The following TFAM variants were observed in gnomAD, a reference collection of about 807,000 sequenced individuals.
TFAM encodes mitochondrial transcription factor 1.
A neutral mutation model predicts 30.6 loss-of-function variants in TFAM; 13 were observed. The observed-to-expected ratio is 0.42, with a 90% CI of 0.28 to 0.67. The LOEUF (loss-of-function observed/expected upper bound fraction) is 0.67, where lower values mean the gene tolerates loss of function less well. Among genes scored for constraint, TFAM ranks in the 30% least tolerant of loss-of-function variants. TFAM has a pLI of 0.21. For missense variants in TFAM, 231 were observed against 293.7 expected (o/e 0.79, Z 1.56); for synonymous variants, 106 against 94.8 (o/e 1.12, Z -0.69).
At chr10:58,390,671 C>T (rs906592761) in intron 4 of TFAM, 94 bp from the exon 5 acceptor site, 2 of 918,248 alleles carry the variant, frequency 2.2e-6, no homozygotes, top group East Asian at 2.4e-5. Flanking sequence ...AAGGAATAAT[C>T]TGTAATGCGT....
intron 2 of TFAM, chr10:58,386,737 A>C: frequency 9.5e-7 from 1 of 1,047,872 alleles, no homozygotes; most frequent in Non-Finnish European, 1.2e-6. Context: ...TAGAACTGTA[A>C]AGTTCTATGC....
At chr10:58,387,862 G>A (rs780658578) in intron 2 of TFAM, among the ~76,000 whole-genome samples, 1 of 151,962 alleles carries the variant, frequency 6.6e-6, no homozygotes, top group Non-Finnish European at 1.5e-5. Flanking sequence ...CACAGGAGGT[G>A]GAGGTTGCAT....
intron 5 of TFAM, among the ~76,000 whole-genome samples, chr10:58,392,516 T>C (rs1040116276): frequency 2.2e-4 from 33 of 152,102 alleles, no homozygotes; most frequent in Admixed American, 2.2e-3. Flanking sequence ...TGTTTTGTTT[T>C]GTTTTGTTTT....
chr10:58,390,872 A>G lies in TFAM; in HGVS notation c.537+12A>G, dbSNP rs757985423. ...GTGATTCACCGCAGGTAAAGCTGAA[A>G]TATATTTTTGTTTAATTTTTAAAAT... On this transcript the variant is annotated intron_variant, in intron 5 of 6. Transcript: ENST00000487519. 9.3e-6 allele frequency: 15 copies of G among 1,609,204 alleles called. No individual in the cohort carries two copies. The highest frequency in any genetic ancestry group is 1.3e-5 in the Non-Finnish European group (15 of 1,177,192).
At chr10:58,394,456 A>G in intron 6 of TFAM, 42 bp downstream of exon 6, 1 of 1,526,244 alleles carries the variant, frequency 6.6e-7, no homozygotes, top group Non-Finnish European at 9.1e-7. Context: ...TACTTAGGAT[A>G]TCTGTGAGAG....
chr10:58,387,920 T>TA (rs913659993), intron 2 of TFAM, among the ~76,000 whole-genome samples: 1 of 151,084 alleles, frequency 6.6e-6, no homozygotes, highest in Non-Finnish European at 1.5e-5. Flanking sequence ...ATGGCCTGGG[T>TA]GACGGACCCT....
rs1840680197 is a variant in TFAM, at chr10:58,396,259, C to T, written c.*1185C>T. 6.6e-6 allele frequency: 1 copy of T among 152,084 alleles called. No homozygotes were observed. Among genetic ancestry groups the T allele is most frequent in the South Asian group, 2.1e-4 (1 of 4,830 alleles). The allele number at this position is 152,084 out of a possible 1,614,324, so 9.4% of individuals were successfully genotyped here. ...TCTGTTTATGGAAAAAATTTATCAA[C>T]CCATGGTCTATAGTATAGTGTGATA... On this transcript the variant is annotated 3_prime_UTR_variant, in exon 7 of 7. Coordinates refer to ENST00000487519, the MANE Select transcript of TFAM (RefSeq NM_003201.3).
At chr10:58,388,292 A>G (rs769598247) in intron 3 of TFAM, 32 bp downstream of exon 3, 2 of 1,579,110 alleles carry the variant, frequency 1.3e-6, no homozygotes, top group South Asian at 1.1e-5. Flanking sequence ...ATTGCTGACC[A>G]GTTATTCTGC....
At chr10:58,394,872 A>G in intron 6 of TFAM, 56 bp from the exon 7 acceptor site, 1 of 1,523,314 alleles carries the variant, frequency 6.6e-7, no homozygotes. Flanking sequence ...TATTTTAAAT[A>G]ATCATTTTAT....
At chr10:58,394,302 T>C (rs1840643560) in intron 5 of TFAM, 56 bp from the exon 6 acceptor site, 1 of 1,276,880 alleles carries the variant, frequency 7.8e-7, no homozygotes, top group African/African-American at 1.5e-5. Flanking sequence ...GAATGAATAA[T>C]AAAGGTCACT....
In TFAM at chr10:58,398,624, C is replaced by T. The variant is rs1282211931; in HGVS notation, c.*3550C>T. ...AGATTTCTGAATTGAAAAAAAATAGCGTACAATAAGTAGATTTAAAGTAAT... is the reference window on the plus strand; with the variant it reads ...AGATTTCTGAATTGAAAAAAAATAGTGTACAATAAGTAGATTTAAAGTAAT... On this transcript the variant is annotated 3_prime_UTR_variant, in exon 7 of 7. Coordinates refer to ENST00000487519, the MANE Select transcript of TFAM (RefSeq NM_003201.3). The T allele has an allele frequency of 5.9e-5, 9 of 152,002 alleles. No individual in the cohort carries two copies. The highest frequency in any genetic ancestry group is 8.8e-5 in the Non-Finnish European group (6 of 68,010). The allele number at this position is 152,002 out of a possible 1,614,324, so 9.4% of individuals were successfully genotyped here.
intron 2 of TFAM, chr10:58,386,573 A>G: frequency 1.1e-6 from 1 of 869,812 alleles, no homozygotes; most frequent in Non-Finnish European, 1.6e-6. Flanking sequence ...CCCTAGGAAG[A>G]GGATAAAAAA....
In TFAM at chr10:58,399,203, A is replaced by G. The variant is rs1040297026; in HGVS notation, c.*4129A>G. On this transcript the variant is annotated 3_prime_UTR_variant, in exon 7 of 7. Coordinates refer to ENST00000487519, the MANE Select transcript of TFAM (RefSeq NM_003201.3). ...TAAACAGGAATTTTAAATAAACTAA[A>G]CATTTTTTCATCACCAAGCATCATT... 5 of 152,228 alleles carry G rather than the reference A, an allele frequency of 3.3e-5. No homozygotes were observed. Among genetic ancestry groups the G allele is most frequent in the African/African-American group, 1.2e-4 (5 of 41,472 alleles). The allele number at this position is 152,228 out of a possible 1,614,324, so 9.4% of individuals were successfully genotyped here. A position where few individuals can be genotyped will look rare whatever the true frequency, so the allele number is the denominator to read the frequency against.
intron 2 of TFAM, 180 bp downstream of exon 2, chr10:58,386,518 A>G: frequency 1.4e-6 from 1 of 724,036 alleles, no homozygotes. Context: ...TATAAATGAG[A>G]ACTAGTAAAT....
intron 4 of TFAM, among the ~76,000 whole-genome samples, chr10:58,389,078 T>G (rs1840544585): frequency 6.6e-6 from 1 of 152,170 alleles, no homozygotes; most frequent in African/African-American, 2.4e-5. Context: ...CGTAGAACAG[T>G]AATGGAAACT....
chr10:58,388,959 A>T, intron 4 of TFAM, 140 bp downstream of exon 4: 1 of 779,846 alleles, frequency 1.3e-6, no homozygotes, highest in Non-Finnish European at 2.0e-6. Flanking sequence ...CAGAAGTGGG[A>T]TAGTTCTCTT....
In TFAM at chr10:58,394,964, TATC is replaced by T; in HGVS notation, c.634_636del (p.His212del). 1.9e-6 allele frequency: 3 copies of T among 1,613,754 alleles called. No homozygotes were observed. Among genetic ancestry groups the T allele is most frequent in the East Asian group, 2.2e-5 (1 of 44,812 alleles). On this transcript the variant is annotated inframe_deletion, in exon 7 of 7. Coordinates refer to ENST00000487519, the MANE Select transcript of TFAM (RefSeq NM_003201.3). ...GCATGCTAAAGAGGACGAAACTCGT[TATC>T]ATAATGAAATGAAGTCTTGGGAAGA...
chr10:58,388,122 A>C (rs1840524718), intron 2 of TFAM, 68 bp from the exon 3 acceptor site: 3 of 1,251,820 alleles, frequency 2.4e-6, no homozygotes, highest in Admixed American at 3.4e-5. Flanking sequence ...GCTTTCCTGG[A>C]TATCTTTAGA....
At chr10:58,388,549 C>T in intron 3 of TFAM, 121 bp from the exon 4 acceptor site, 4 of 1,082,194 alleles carry the variant, frequency 3.7e-6, no homozygotes, top group Non-Finnish European at 5.7e-6. Context: ...TCCCAGAGCA[C>T]ATTTTCCACC....
Sources: gnomAD v4.1 joint callset for allele counts (sites outside exome capture counted in the v4.1 genomes callset) on GRCh38, gnomAD v4.1.1 for gene constraint, MANE v1.5 for transcripts, NCBI Gene and HGNC (gene_info 2026-07-23, HGNC 2026-07-21) for gene names.